The following MTHFD1L variants were observed in gnomAD, a reference collection of about 807,000 sequenced individuals.
MTHFD1L encodes methylenetetrahydrofolate dehydrogenase (NADP+ dependent) 1 like.
A neutral mutation model predicts 119.5 loss-of-function variants in MTHFD1L; 81 were observed. That is an observed-to-expected ratio of 0.68 (90% CI 0.57 to 0.82). MTHFD1L has a LOEUF of 0.82. Among genes scored for constraint, MTHFD1L ranks in the 40% least tolerant of loss-of-function variants. The pLI is 0.00. For synonymous variants in MTHFD1L, 430 were observed against 475.2 expected (o/e 0.90, Z 1.24); for missense variants, 1,125 against 1,253.4 (o/e 0.90, Z 1.55).
intron 26 of MTHFD1L, among the ~76,000 whole-genome samples, chr6:151,087,468 C>G (rs1793931340): frequency 1.3e-5 from 2 of 152,068 alleles, no homozygotes; most frequent in Admixed American, 1.3e-4. Context: ...AAAAATGCTG[C>G]TCCTTTTCTG....
intron 6 of MTHFD1L, among the ~76,000 whole-genome samples, chr6:150,886,666 A>G (rs973662536): frequency 2.0e-5 from 3 of 151,946 alleles, no homozygotes; most frequent in African/African-American, 7.3e-5. Context: ...AAGTATTTAT[A>G]TATTTAAGGG....
intron 8 of MTHFD1L, among the ~76,000 whole-genome samples, chr6:150,914,069 G>A (rs1047930936): frequency 6.6e-6 from 1 of 152,174 alleles, no homozygotes; most frequent in African/African-American, 2.4e-5. Context: ...GGCGGAGGCT[G>A]CAGTGAGCCA....
At chr6:150,875,826 T>C (rs1317203462) in intron 1 of MTHFD1L, among the ~76,000 whole-genome samples, 2 of 152,042 alleles carry the variant, frequency 1.3e-5, no homozygotes, top group East Asian at 3.9e-4. Flanking sequence ...AAGAGAAAAA[T>C]TCACCCCTAG....
intron 20 of MTHFD1L, among the ~76,000 whole-genome samples, chr6:151,007,520 C>T (rs1289741365): frequency 6.6e-6 from 1 of 152,188 alleles, no homozygotes; most frequent in African/African-American, 2.4e-5. Context: ...AGTAATGTAC[C>T]TGTGCCGTCT....
At chr6:150,933,941 C>T (rs1266491288) in intron 11 of MTHFD1L, among the ~76,000 whole-genome samples, 1 of 152,158 alleles carries the variant, frequency 6.6e-6, no homozygotes, top group Admixed American at 6.5e-5. Context: ...TATACTACGC[C>T]TTCTTAGTTT....
chr6:150,891,079 G>T (rs1583408317), intron 7 of MTHFD1L, among the ~76,000 whole-genome samples: 1 of 152,264 alleles, frequency 6.6e-6, no homozygotes, highest in East Asian at 1.9e-4. Context: ...TCTGTCTCCT[G>T]GGTTCAAGTG....
At chr6:150,937,169 G>A (rs1257118352) in intron 12 of MTHFD1L, among the ~76,000 whole-genome samples, 2 of 149,012 alleles carry the variant, frequency 1.3e-5, no homozygotes, top group East Asian at 3.9e-4. Flanking sequence ...CTGTTCCTGG[G>A]GCTGCGTTGC....
chr6:150,866,365 T>A (rs1220253080), intron 1 of MTHFD1L: 1 of 1,413,856 alleles, frequency 7.1e-7, no homozygotes, highest in African/African-American at 1.5e-5. Flanking sequence ...TCTGATGCAA[T>A]CGCGCCGGGC....
intron 20 of MTHFD1L, among the ~76,000 whole-genome samples, chr6:150,988,129 C>T (rs907369847): frequency 1.3e-5 from 2 of 152,180 alleles, no homozygotes; most frequent in Admixed American, 1.3e-4. Context: ...CTTGTCAAAA[C>T]ATTGTCATGC....
At chr6:151,053,339 T>C (rs1789377820) in intron 26 of MTHFD1L, among the ~76,000 whole-genome samples, 2 of 152,168 alleles carry the variant, frequency 1.3e-5, no homozygotes, top group Non-Finnish European at 2.9e-5. Context: ...AAAATCACAA[T>C]GATAAGTGAA....
intron 25 of MTHFD1L, among the ~76,000 whole-genome samples, chr6:151,036,044 C>G (rs1323117643): frequency 3.3e-5 from 5 of 152,144 alleles, no homozygotes; most frequent in Non-Finnish European, 7.3e-5. Flanking sequence ...CTAAGATCTT[C>G]CAAATAGTTT....
chr6:150,890,600 C>T lies in MTHFD1L; in HGVS notation c.780+2619C>T, dbSNP rs192084634. 1.2e-4 allele frequency among the ~76,000 whole-genome samples: 19 copies of T among 152,270 alleles called. No homozygotes were observed. The East Asian group carries it at 2.9e-3, about 23-fold the overall frequency. ...GCAGCTATTCGAGTTATCCCGAGTT[C>T]GTGCTGGTGTATCCGTACAGTTCTG... On this transcript the variant is annotated intron_variant, in intron 7 of 27. Coordinates refer to ENST00000367321, the MANE Select transcript of MTHFD1L (RefSeq NM_015440.5).
chr6:151,094,600 G>A (rs977147741), intron 27 of MTHFD1L, among the ~76,000 whole-genome samples: 1 of 152,070 alleles, frequency 6.6e-6, no homozygotes, highest in African/African-American at 2.4e-5. Flanking sequence ...CTGGAGTGCA[G>A]CGGCACTGTG....
intron 26 of MTHFD1L, among the ~76,000 whole-genome samples, chr6:151,071,837 A>ATTTTTTTT (rs753092094): frequency 1.6e-4 from 17 of 107,500 alleles, no homozygotes; most frequent in South Asian, 3.5e-4. Flanking sequence ...GTAAGTACAG[A>ATTTTTTTT]TTTTTTTTTT....
chr6:150,911,949 GA>G (rs1414154492), intron 8 of MTHFD1L, among the ~76,000 whole-genome samples: 2 of 152,068 alleles, frequency 1.3e-5, no homozygotes, highest in East Asian at 3.9e-4. Context: ...CAACACGTGG[GA>G]ATTATGGGAG....
At chr6:150,929,432 T>C (rs1790615395) in intron 11 of MTHFD1L, among the ~76,000 whole-genome samples, 1 of 152,206 alleles carries the variant, frequency 6.6e-6, no homozygotes, top group Admixed American at 6.5e-5. Flanking sequence ...ATCCAGTCCT[T>C]GTGCTTTACT....
At chr6:151,043,217 GA>G (rs1413550148) in intron 26 of MTHFD1L, among the ~76,000 whole-genome samples, 1 of 151,090 alleles carries the variant, frequency 6.6e-6, no homozygotes, top group Non-Finnish European at 1.5e-5. Context: ...TTGGGAGTTG[GA>G]GAGGGGATAA....
intron 26 of MTHFD1L, among the ~76,000 whole-genome samples, chr6:151,084,935 C>T (rs1318997116): frequency 2.1e-5 from 3 of 146,256 alleles, no homozygotes; most frequent in African/African-American, 7.6e-5. Flanking sequence ...CCACTGCACT[C>T]CAGCCTGGGT....
In MTHFD1L at chr6:151,003,637, C is replaced by T. The variant is rs1026802334; in HGVS notation, c.2126-6182C>T. ...TAAAAATGTGCCTGTGGCTGTTTCT[C>T]CACTAAATGAAGACACTGGCACACA... On this transcript the variant is annotated intron_variant, in intron 20 of 27. Coordinates refer to ENST00000367321, the MANE Select transcript of MTHFD1L (RefSeq NM_015440.5). Among the ~76,000 whole-genome samples, 15 of 152,172 alleles carry T rather than the reference C, an allele frequency of 9.9e-5. No homozygotes were observed. In the East Asian group the frequency reaches 2.5e-3, roughly 25 times the overall value.
Sources: allele counts gnomAD v4.1 joint callset (sites outside exome capture counted in the v4.1 genomes callset), GRCh38; gene constraint gnomAD v4.1.1; transcripts MANE v1.5; gene names NCBI Gene and HGNC (gene_info 2026-07-23, HGNC 2026-07-21).